Variants in PDPN observed in about 807,000 individuals in gnomAD.
PDPN encodes the protein podoplanin.
PDPN carries 12 observed loss-of-function variants against 23.2 expected under a neutral mutation model. The observed-to-expected ratio is 0.52, with a 90% CI of 0.33 to 0.84. The LOEUF is 0.84. PDPN is among the 40% of genes least tolerant of loss of function. The probability of loss-of-function intolerance (pLI) is 0.02; values close to 1 mark genes in which losing one functional copy is unlikely to be tolerated. For synonymous variants in PDPN, 77 were observed against 76.7 expected (o/e 1.00, Z -0.02); for missense variants, 199 against 212.2 (o/e 0.94, Z 0.39).
intron 5 of PDPN, 39 bp from the exon 6 acceptor site, chr1:13,615,866 A>G: frequency 1.2e-6 from 2 of 1,600,532 alleles, no homozygotes; most frequent in African/African-American, 1.3e-5. Context: ...TCACAATGCC[A>G]GTAAGAGACA....
chr1:13,614,784 C>G, intron 5 of PDPN: 1 of 505,558 alleles, frequency 2.0e-6, no homozygotes, highest in East Asian at 5.5e-5. Context: ...AAGACTGTGT[C>G]TCTTAAAAAT....
At chr1:13,600,360 A>G (rs901049537) in intron 1 of PDPN, among the ~76,000 whole-genome samples, 3 of 148,476 alleles carry the variant, frequency 2.0e-5, no homozygotes, top group African/African-American at 5.0e-5. Context: ...AACTTGGCAC[A>G]TCACTTAACT....
intron 1 of PDPN, chr1:13,585,333 G>A (rs1371704589): frequency 2.6e-6 from 1 of 380,918 alleles, no homozygotes; most frequent in Non-Finnish European, 4.8e-6. Context: ...GCTCTATGCT[G>A]TGCTGTCTGC....
chr1:13,595,750 A>T, intron 1 of PDPN: 3 of 630,694 alleles, frequency 4.8e-6, no homozygotes, highest in South Asian at 2.9e-5. Flanking sequence ...GCTCACACGA[A>T]ATTGAACGGC....
intron 4 of PDPN, among the ~76,000 whole-genome samples, chr1:13,613,984 T>C (rs1641001571): frequency 6.6e-6 from 1 of 151,310 alleles, no homozygotes; most frequent in Middle Eastern, 3.2e-3. Context: ...TGGTGTCATA[T>C]CACAGTTCAT....
Position 13,617,955 on chromosome 1 carries a change from CA to C in PDPN, c.*2046del, listed in dbSNP as rs1286008717. ...TTCAAATAAAACAAATGATTGTGTA[CA>C]ACAATGAGTCAGACTTTTGTTGGAA... On this transcript the variant is annotated 3_prime_UTR_variant, in exon 6 of 6. Transcript: ENST00000621990. The C allele has an allele frequency of 6.6e-6, 1 of 152,070 alleles. No homozygotes were observed. Among genetic ancestry groups the C allele is most frequent in the Non-Finnish European group, 1.5e-5 (1 of 68,036 alleles). 9.4% of individuals were successfully genotyped at this position (152,070 alleles called of 1,614,324 possible). A position where few individuals can be genotyped will look rare whatever the true frequency, so the allele number is the denominator to read the frequency against.
chr1:13,615,852 C>T, intron 5 of PDPN, 53 bp from the exon 6 acceptor site: 1 of 1,547,186 alleles, frequency 6.5e-7, no homozygotes, highest in South Asian at 1.1e-5. Flanking sequence ...CACGGAGTTA[C>T]TATTCACAAT....
At position 13,607,309 on chromosome 1, in the gene PDPN, C is replaced by T; in HGVS notation, c.201+3C>T. ...ATAAGTCTGGCTTGACAACTCTGGT[C>T]AGTGTCCTGGGAAGAGAGGAATTTT... is the stretch of plus-strand genomic sequence containing the variant. On this transcript the variant is annotated splice_donor_region_variant and intron_variant, in intron 2 of 5. Coordinates refer to ENST00000621990, the MANE Select transcript of PDPN (RefSeq NM_006474.5). The T allele has an allele frequency of 1.2e-6, 2 of 1,613,502 alleles. No individual in the cohort carries two copies. The highest frequency in any genetic ancestry group is 1.7e-6 in the Non-Finnish European group (2 of 1,179,704).
chr1:13,588,138 T>TATAC (rs1557534770), intron 1 of PDPN, among the ~76,000 whole-genome samples: 2 of 150,534 alleles, frequency 1.3e-5, no homozygotes, highest in Non-Finnish European at 3.0e-5. Flanking sequence ...CAAACACACA[T>TATAC]ACACACACAC....
chr1:13,610,283 G>A, intron 2 of PDPN, 104 bp from the exon 3 acceptor site: 1 of 887,438 alleles, frequency 1.1e-6, no homozygotes, highest in South Asian at 1.7e-5. Flanking sequence ...GCCATCATAT[G>A]TTCCATATTT....
chr1:13,593,931 A>G (rs2100221708), intron 1 of PDPN, among the ~76,000 whole-genome samples: 1 of 152,344 alleles, frequency 6.6e-6, no homozygotes, highest in South Asian at 2.1e-4. Context: ...TTCAGTCTAC[A>G]AAACTGTGAA....
chr1:13,604,170 G>A (rs1640721198), intron 1 of PDPN, among the ~76,000 whole-genome samples: 1 of 152,232 alleles, frequency 6.6e-6, no homozygotes, highest in Non-Finnish European at 1.5e-5. Flanking sequence ...ATGCGTGTGT[G>A]CGTGCATATG....
At position 13,617,256 on chromosome 1, in the gene PDPN, T is replaced by G. The variant is rs1641096419; in HGVS notation, c.*1345T>G. 2.0e-5 allele frequency: 3 copies of G among 152,256 alleles called. No individual in the cohort carries two copies. The South Asian group carries it at 6.2e-4, about 32-fold the overall frequency. 9.4% of individuals were successfully genotyped at this position (152,256 alleles called of 1,614,324 possible). A position where few individuals can be genotyped will look rare whatever the true frequency, so the allele number is the denominator to read the frequency against. On this transcript the variant is annotated 3_prime_UTR_variant, in exon 6 of 6. Coordinates refer to ENST00000621990, the MANE Select transcript of PDPN (RefSeq NM_006474.5). Reference sequence around the variant, plus strand: ...CTGGTATCCTCTAAATTTGTAAGCATTCATAAAACAGGAAAAAGTAAACTA... The same window carrying G: ...CTGGTATCCTCTAAATTTGTAAGCAGTCATAAAACAGGAAAAAGTAAACTA...
intron 1 of PDPN, among the ~76,000 whole-genome samples, chr1:13,599,652 G>A (rs1640592981): frequency 6.6e-6 from 1 of 152,076 alleles, no homozygotes; most frequent in African/African-American, 2.4e-5. Flanking sequence ...CCAAAGTGCT[G>A]GGATTAATAG....
At chr1:13,584,739 G>C (rs761542711) in intron 1 of PDPN, among the ~76,000 whole-genome samples, 2 of 152,222 alleles carry the variant, frequency 1.3e-5, no homozygotes, top group African/African-American at 4.8e-5. Flanking sequence ...ATTGTTACGC[G>C]TTACGAACAT....
At chr1:13,605,430 C>T (rs1412025618) in intron 1 of PDPN, among the ~76,000 whole-genome samples, 1 of 152,138 alleles carries the variant, frequency 6.6e-6, no homozygotes, top group East Asian at 1.9e-4. Flanking sequence ...GGGAAGAAGC[C>T]CATGGCCAGT....
At chr1:13,588,791 A>T (rs902632055) in intron 1 of PDPN, among the ~76,000 whole-genome samples, 1 of 133,484 alleles carries the variant, frequency 7.5e-6, no homozygotes, top group African/African-American at 3.0e-5. Context: ...CGATCCTCCC[A>T]CCTCAGCCTC....
chr1:13,613,935 C>T (rs1641000581), intron 4 of PDPN, among the ~76,000 whole-genome samples: 1 of 147,358 alleles, frequency 6.8e-6, no homozygotes, highest in South Asian at 2.1e-4. Flanking sequence ...CTAAGCAAAC[C>T]TCAGATGAGT....
In PDPN at chr1:13,591,748, G is replaced by C. The variant is rs144546444; in HGVS notation, c.67+7648G>C. On this transcript the variant is annotated intron_variant, in intron 1 of 5. Coordinates refer to ENST00000621990, the MANE Select transcript of PDPN (RefSeq NM_006474.5). The stretch of plus-strand genomic sequence containing the variant: ...CTTCCTCTGTCACCCAGGCTGAATA[G>C]CAGTAGCACAGTCATAGCTCACGAC... Among the ~76,000 whole-genome samples the C allele has an allele frequency of 9.0e-3, 1,367 of 152,302 alleles. 22 individuals are homozygous for C. Among genetic ancestry groups the C allele is most frequent in the African/African-American group, 0.03 (1,244 of 41,556 alleles).
Sources: allele counts gnomAD v4.1 joint callset (sites outside exome capture counted in the v4.1 genomes callset), GRCh38; gene constraint gnomAD v4.1.1; transcripts MANE v1.5; gene names NCBI Gene and HGNC (gene_info 2026-07-23, HGNC 2026-07-21).